PPFIA2: variants seen among roughly 807,000 people sequenced by gnomAD.
PPFIA2 encodes the protein PPFI scaffold protein A2, also known as liprin-alpha-2.
A neutral mutation model predicts 175.5 loss-of-function variants in PPFIA2; 46 were observed. That is an observed-to-expected ratio of 0.26 (90% CI 0.21 to 0.34). The LOEUF (loss-of-function observed/expected upper bound fraction) is 0.34, where lower values mean the gene tolerates loss of function less well. Ranked by LOEUF, PPFIA2 falls within the 10% of genes least tolerant of loss-of-function variation. The pLI, the probability that PPFIA2 is intolerant of heterozygous loss-of-function variation, is 1.00. For missense variants in PPFIA2, 1,179 were observed against 1,506.1 expected, an observed-to-expected ratio of 0.78 and a Z score of 3.60; for synonymous variants, 568 against 511.4, an observed-to-expected ratio of 1.11 and a Z score of -1.49.
chr12:81,515,768 G>T (rs889361893), intron 4 of PPFIA2, among the ~76,000 whole-genome samples: 1 of 151,982 alleles, frequency 6.6e-6, no homozygotes, highest in Non-Finnish European at 1.5e-5. Context: ...AGAAATCTGG[G>T]AGTCATTCTA....
chr12:81,310,119 G>C (rs893998540), intron 22 of PPFIA2, among the ~76,000 whole-genome samples: 1 of 152,012 alleles, frequency 6.6e-6, no homozygotes, highest in African/African-American at 2.4e-5. Context: ...CTTTTACCCA[G>C]TTTGGAAGTG....
chr12:81,712,903 G>T (rs1036719305), intron 3 of PPFIA2, among the ~76,000 whole-genome samples: 3 of 151,040 alleles, frequency 2.0e-5, no homozygotes. Context: ...AGAAGTGATG[G>T]TGTGACTAGA....
intron 30 of PPFIA2, among the ~76,000 whole-genome samples, chr12:81,265,354 T>C (rs2136215285): frequency 6.6e-6 from 1 of 151,432 alleles, no homozygotes. Context: ...GAATTATGAT[T>C]CCTGACTTCT....
Position 81,304,552 on chromosome 12 carries a change from C to T in PPFIA2, c.2643-5170G>A, listed in dbSNP as rs1566026648. On this transcript the variant is annotated intron_variant, in intron 22 of 32. Coordinates refer to ENST00000549396, the MANE Select transcript of PPFIA2 (RefSeq NM_003625.5). ...GTTCTGGGAACATAGATGTCTATAA[C>T]GAGGCAACATTTGAGTAGAAACATG... Among the ~76,000 whole-genome samples the T allele has an allele frequency of 5.9e-5, 9 of 152,024 alleles. 1 individual carries two copies. In the South Asian group the frequency reaches 1.9e-3, roughly 32 times the overall value.
At chr12:81,636,875 A>C (rs1227065232) in intron 4 of PPFIA2, among the ~76,000 whole-genome samples, 1 of 150,264 alleles carries the variant, frequency 6.7e-6, no homozygotes, top group African/African-American at 2.5e-5. Flanking sequence ...CTGGTCTCAA[A>C]CTCCTGACCT....
intron 4 of PPFIA2, among the ~76,000 whole-genome samples, chr12:81,582,058 G>A (rs1595232891): frequency 6.6e-6 from 1 of 151,686 alleles, no homozygotes; most frequent in Non-Finnish European, 1.5e-5. Flanking sequence ...TTTGTAGTCC[G>A]CCTCATCTAG....
intron 4 of PPFIA2, among the ~76,000 whole-genome samples, chr12:81,495,286 G>T (rs1454434380): frequency 6.6e-6 from 1 of 151,594 alleles, no homozygotes; most frequent in Non-Finnish European, 1.5e-5. Context: ...GTAAATTTTG[G>T]CATATATCAA....
intron 4 of PPFIA2, among the ~76,000 whole-genome samples, chr12:81,468,342 T>C (rs888118599): frequency 6.6e-6 from 1 of 152,342 alleles, no homozygotes; most frequent in South Asian, 2.1e-4. Context: ...CTCGACATTC[T>C]AAGTACATTA....
At chr12:81,663,609 C>T (rs1466640351) in intron 4 of PPFIA2, among the ~76,000 whole-genome samples, 1 of 152,170 alleles carries the variant, frequency 6.6e-6, no homozygotes, top group Non-Finnish European at 1.5e-5. Flanking sequence ...AATGGCCATA[C>T]TGCCCAAGGG....
intron 18 of PPFIA2, among the ~76,000 whole-genome samples, chr12:81,345,636 A>G (rs1367532320): frequency 6.6e-6 from 1 of 152,204 alleles, no homozygotes; most frequent in Non-Finnish European, 1.5e-5. Context: ...TGTCAGAAAT[A>G]AAAGCAATAC....
chr12:81,512,800 T>C (rs2061957282), intron 4 of PPFIA2, among the ~76,000 whole-genome samples: 1 of 152,100 alleles, frequency 6.6e-6, no homozygotes, highest in Non-Finnish European at 1.5e-5. Context: ...TTGTATTTGG[T>C]TTTCCATTCC....
chr12:81,374,702 T>C lies in PPFIA2; in HGVS notation c.1198A>G (p.Met400Val), dbSNP rs1184859135. The C allele has an allele frequency of 1.9e-6, 3 of 1,613,468 alleles. No homozygotes were observed. Among genetic ancestry groups the C allele is most frequent in the South Asian group, 2.2e-5 (2 of 91,056 alleles). Reference protein sequence around the residue: ...ELAEQKLQQTMRKAETLPEVE... With the variant: ...ELAEQKLQQTVRKAETLPEVE... ...TCAGGCAAGGTTTCAGCCTTTCTCA[T>C]GGTCTGCTGCAACTTTTGTTCAGCT... The change falls in exon 11 of 33, where the codon ATG (methionine) becomes GTG (valine). Residue 400 changes from methionine (M) to valine (V), a missense_variant. Coordinates refer to ENST00000549396, the MANE Select transcript of PPFIA2 (RefSeq NM_003625.5).
chr12:81,316,150 T>C (rs908918060), intron 22 of PPFIA2, among the ~76,000 whole-genome samples: 2 of 151,598 alleles, frequency 1.3e-5, no homozygotes, highest in Admixed American at 6.6e-5. Flanking sequence ...CTTTTTGTAT[T>C]GAATTTTTTG....
At chr12:81,588,407 T>A (rs1014785047) in intron 4 of PPFIA2, among the ~76,000 whole-genome samples, 1 of 151,884 alleles carries the variant, frequency 6.6e-6, no homozygotes, top group African/African-American at 2.4e-5. Context: ...CTACTCCCAA[T>A]CTCCTCATTC....
At chr12:81,361,814 C>T (rs984780331) in intron 15 of PPFIA2, among the ~76,000 whole-genome samples, 1 of 151,518 alleles carries the variant, frequency 6.6e-6, no homozygotes, top group African/African-American at 2.4e-5. Flanking sequence ...TGAACTTCTA[C>T]TAAAAGCCTA....
At chr12:81,470,469 G>T (rs2056528818) in intron 4 of PPFIA2, among the ~76,000 whole-genome samples, 1 of 152,176 alleles carries the variant, frequency 6.6e-6, no homozygotes, top group Non-Finnish European at 1.5e-5. Flanking sequence ...ACTGCTGGTG[G>T]GAGTGTAATA....
At chr12:81,665,534 T>C (rs1201556646) in intron 4 of PPFIA2, among the ~76,000 whole-genome samples, 3 of 152,020 alleles carry the variant, frequency 2.0e-5, no homozygotes, top group Non-Finnish European at 4.4e-5. Context: ...GCCCTCTAAG[T>C]AGTTTGATTG....
chr12:81,366,942 T>C (rs2033652436), intron 14 of PPFIA2, among the ~76,000 whole-genome samples, 166 bp downstream of exon 14: 1 of 151,696 alleles, frequency 6.6e-6, no homozygotes, highest in Admixed American at 6.6e-5. Flanking sequence ...ATGAAGCTCT[T>C]CCTCTCTATG....
intron 22 of PPFIA2, among the ~76,000 whole-genome samples, chr12:81,315,277 T>C (rs1219815786): frequency 4.6e-5 from 7 of 151,910 alleles, no homozygotes; most frequent in Admixed American, 1.3e-4. Context: ...ATTTCTCTGC[T>C]GTAATTTTCT....
Sources: gnomAD v4.1 joint callset for allele counts (sites outside exome capture counted in the v4.1 genomes callset) on GRCh38, gnomAD v4.1.1 for gene constraint, MANE v1.5 for transcripts, NCBI Gene and HGNC (gene_info 2026-07-23, HGNC 2026-07-21) for gene names.